The following KCNB2 variants were observed in gnomAD, a reference collection of about 807,000 sequenced individuals.
KCNB2 encodes potassium voltage-gated channel subfamily B member 2.
Under a neutral mutation model 61.5 loss-of-function variants are expected in KCNB2, and 15 were observed. The ratio of observed to expected loss-of-function variants is 0.24; its 90% CI spans 0.16 to 0.38. KCNB2 has a LOEUF of 0.38. KCNB2 is among the 10% of genes least tolerant of loss of function. The probability of loss-of-function intolerance (pLI) is 1.00; values close to 1 mark genes in which losing one functional copy is unlikely to be tolerated. For synonymous variants in KCNB2, 457 were observed against 446.0 expected (o/e 1.02, Z -0.31); for missense variants, 828 against 1,125.2 (o/e 0.74, Z 3.78).
At chr8:72,779,232 C>T (rs1808715250) in intron 2 of KCNB2, among the ~76,000 whole-genome samples, 2 of 152,324 alleles carry the variant, frequency 1.3e-5, no homozygotes, top group Non-Finnish European at 1.5e-5. Context: ...GATAGTGCAG[C>T]GTTTCTTTCA....
chr8:72,869,588 G>T (rs781510183), intron 2 of KCNB2, among the ~76,000 whole-genome samples: 3 of 152,078 alleles, frequency 2.0e-5, no homozygotes, highest in Admixed American at 2.0e-4. Flanking sequence ...TGGCCAACAG[G>T]TATATTAAAG....
chr8:72,580,203 T>C (rs144288594), intron 2 of KCNB2, among the ~76,000 whole-genome samples: 1 of 152,346 alleles, frequency 6.6e-6, no homozygotes, highest in East Asian at 1.9e-4. Context: ...TGGGTTCCTA[T>C]AAAGCTTGAC....
chr8:72,569,317 ATCT>A (rs1806675674), intron 2 of KCNB2, among the ~76,000 whole-genome samples: 1 of 152,210 alleles, frequency 6.6e-6, no homozygotes, highest in Non-Finnish European at 1.5e-5. Context: ...TTTTTCTAAA[ATCT>A]TCTCTCGTGA....
chr8:72,923,662 T>C (rs1431676978), intron 2 of KCNB2, among the ~76,000 whole-genome samples: 1 of 152,126 alleles, frequency 6.6e-6, no homozygotes, highest in Non-Finnish European at 1.5e-5. Context: ...AATTTTATTT[T>C]TGGTTTACAG....
At chr8:72,840,752 A>AT (rs1003770052) in intron 2 of KCNB2, among the ~76,000 whole-genome samples, 15 of 148,860 alleles carry the variant, frequency 1.0e-4, no homozygotes, top group South Asian at 2.1e-4. Context: ...TTTTGATGGC[A>AT]TTTTTTTTTC....
At chr8:72,606,874 C>T (rs547207237) in intron 2 of KCNB2, among the ~76,000 whole-genome samples, 8 of 152,236 alleles carry the variant, frequency 5.3e-5, no homozygotes, top group African/African-American at 1.2e-4. Context: ...TCTAAGACGT[C>T]GCTGGGGAAT....
At chr8:72,668,612 C>T (rs1297477717) in intron 2 of KCNB2, among the ~76,000 whole-genome samples, 1 of 152,150 alleles carries the variant, frequency 6.6e-6, no homozygotes, top group East Asian at 1.9e-4. Flanking sequence ...CCTCCTCGTT[C>T]TTCAGATCTT....
At chr8:72,833,058 A>G (rs1190672184) in intron 2 of KCNB2, among the ~76,000 whole-genome samples, 1 of 152,194 alleles carries the variant, frequency 6.6e-6, no homozygotes, top group African/African-American at 2.4e-5. Context: ...AATATTGAAG[A>G]TGATAAAATA....
chr8:72,920,471 A>ATGTGTGTGTG (rs1323200698), intron 2 of KCNB2, among the ~76,000 whole-genome samples: 7 of 42,252 alleles, frequency 1.7e-4, no homozygotes, highest in African/African-American at 2.8e-4. Flanking sequence ...CTATCTATCT[A>ATGTGTGTGTG]TCTATATATA....
intron 2 of KCNB2, among the ~76,000 whole-genome samples, chr8:72,932,461 C>T (rs1806806307): frequency 6.6e-6 from 1 of 152,100 alleles, no homozygotes; most frequent in South Asian, 2.1e-4. Context: ...TTGGGGAGTT[C>T]CTTCAGACCC....
intron 2 of KCNB2, among the ~76,000 whole-genome samples, chr8:72,727,528 A>G (rs1013297622): frequency 1.3e-5 from 2 of 152,178 alleles, no homozygotes; most frequent in African/African-American, 2.4e-5. Flanking sequence ...CAGTCTATGT[A>G]TTTGCTAGGT....
chr8:72,577,110 C>A (rs1347341808), intron 2 of KCNB2, among the ~76,000 whole-genome samples: 1 of 152,176 alleles, frequency 6.6e-6, no homozygotes, highest in Admixed American at 6.5e-5. Context: ...CCACTTAAAT[C>A]ATCTCCTTTA....
intron 2 of KCNB2, among the ~76,000 whole-genome samples, chr8:72,818,076 T>A (rs1809432585): frequency 6.6e-6 from 1 of 152,098 alleles, no homozygotes; most frequent in Non-Finnish European, 1.5e-5. Context: ...CCAATAGGAT[T>A]TCATTCTTAA....
At chr8:72,909,939 G>C (rs2929578) in intron 2 of KCNB2, among the ~76,000 whole-genome samples, 1 of 152,132 alleles carries the variant, frequency 6.6e-6, no homozygotes, top group Non-Finnish European at 1.5e-5. Context: ...GGACATCTTA[G>C]GGGAAATATT....
At chr8:72,843,499 TTCTGTCTCATTGA>T (rs1809931769) in intron 2 of KCNB2, among the ~76,000 whole-genome samples, 3 of 152,192 alleles carry the variant, frequency 2.0e-5, no homozygotes, top group Admixed American at 2.0e-4. Context: ...CTTGTTAATT[TTCTGTCTCATTGA>T]TCTGTCTAAT....
chr8:72,538,876 T>C (rs1016815628), intron 1 of KCNB2, among the ~76,000 whole-genome samples: 32 of 152,202 alleles, frequency 2.1e-4, no homozygotes, highest in Non-Finnish European at 4.3e-4. Context: ...GGAAGTCTCT[T>C]GGTTTATTTA....
At chr8:72,561,522 C>T (rs758251548) in intron 1 of KCNB2, among the ~76,000 whole-genome samples, 2 of 150,518 alleles carry the variant, frequency 1.3e-5, no homozygotes, top group African/African-American at 4.9e-5. Context: ...TGTCACCTTC[C>T]ACTTTCTAAG....
At chr8:72,664,472 G>A (rs1005257438) in intron 2 of KCNB2, among the ~76,000 whole-genome samples, 1 of 152,172 alleles carries the variant, frequency 6.6e-6, no homozygotes, top group Non-Finnish European at 1.5e-5. Context: ...TCTCTGGTTC[G>A]ATTAATGGCC....
chr8:72,690,191 G>A (rs771049539), intron 2 of KCNB2, among the ~76,000 whole-genome samples: 3 of 152,024 alleles, frequency 2.0e-5, no homozygotes, highest in South Asian at 2.1e-4. Flanking sequence ...CATGTCACTC[G>A]CTCCCATGAA....
Sources: gnomAD v4.1 joint callset for allele counts (sites outside exome capture counted in the v4.1 genomes callset) on GRCh38, gnomAD v4.1.1 for gene constraint, MANE v1.5 for transcripts, NCBI Gene and HGNC (gene_info 2026-07-23, HGNC 2026-07-21) for gene names.